Variants in SEMA5A observed in about 807,000 individuals in gnomAD.
SEMA5A encodes semaphorin 5A.
In SEMA5A, 55 loss-of-function variants were observed where a neutral mutation model predicts 135.5. The ratio of observed to expected loss-of-function variants is 0.41; its 90% CI spans 0.33 to 0.51. The LOEUF (loss-of-function observed/expected upper bound fraction) is 0.51. Ranked by LOEUF, SEMA5A falls within the 20% of genes least tolerant of loss-of-function variation. The pLI, the probability that SEMA5A is intolerant of heterozygous loss-of-function variation, is 0.37. For missense variants in SEMA5A, 1,290 were observed against 1,419.9 expected (o/e 0.91, Z 1.47); for synonymous variants, 580 against 546.5 (o/e 1.06, Z -0.85).
chr5:9,384,614 AGAT>A (rs1755773508), intron 2 of SEMA5A, among the ~76,000 whole-genome samples: 2 of 116,024 alleles, frequency 1.7e-5, no homozygotes, highest in Admixed American at 8.8e-5. Flanking sequence ...ATAGATAGAT[AGAT>A]ACATAGATAG....
At chr5:9,506,797 T>C (rs765766858) in intron 1 of SEMA5A, among the ~76,000 whole-genome samples, 18 of 152,182 alleles carry the variant, frequency 1.2e-4, no homozygotes, top group Non-Finnish European at 2.2e-4. Flanking sequence ...CCAATTCCCA[T>C]GGGTTCACTT....
chr5:9,114,769 A>G (rs1740424955), intron 15 of SEMA5A, among the ~76,000 whole-genome samples: 1 of 152,236 alleles, frequency 6.6e-6, no homozygotes, highest in Non-Finnish European at 1.5e-5. Context: ...GAAATCAGTC[A>G]CTTTTAATGG....
chr5:9,329,117 C>T (rs1239107405), intron 4 of SEMA5A, among the ~76,000 whole-genome samples: 1 of 152,144 alleles, frequency 6.6e-6, no homozygotes, highest in Non-Finnish European at 1.5e-5. Flanking sequence ...GTTGGAGGAA[C>T]ACCTTCTCTA....
At chr5:9,146,203 C>A (rs907485649) in intron 12 of SEMA5A, among the ~76,000 whole-genome samples, 3 of 152,136 alleles carry the variant, frequency 2.0e-5, no homozygotes, top group African/African-American at 7.2e-5. Flanking sequence ...ACCTTGGAAC[C>A]CCTCTTATCA....
intron 8 of SEMA5A, among the ~76,000 whole-genome samples, chr5:9,222,218 C>T (rs1253786874): frequency 1.3e-5 from 2 of 152,160 alleles, no homozygotes; most frequent in Non-Finnish European, 2.9e-5. Context: ...TGTTCAGGCT[C>T]AGCAGGGGGT....
intron 11 of SEMA5A, among the ~76,000 whole-genome samples, chr5:9,160,655 T>C (rs201372361): frequency 7.3e-6 from 1 of 136,630 alleles, no homozygotes; most frequent in African/African-American, 2.5e-5. Context: ...ATATATATAT[T>C]TTTTGCTGGT....
At chr5:9,175,868 T>G (rs1365280537) in intron 11 of SEMA5A, among the ~76,000 whole-genome samples, 3 of 149,332 alleles carry the variant, frequency 2.0e-5, no homozygotes, top group Non-Finnish European at 4.5e-5. Flanking sequence ...AGAGGGTTTT[T>G]GGGGGATGAG....
chr5:9,184,122 T>A (rs903103790), intron 11 of SEMA5A, among the ~76,000 whole-genome samples: 3 of 120,176 alleles, frequency 2.5e-5, no homozygotes, highest in Non-Finnish European at 4.7e-5. Flanking sequence ...TGAGTGTCTG[T>A]TTTTTTTTAT....
At chr5:9,314,534 T>C (rs1184479042) in intron 5 of SEMA5A, among the ~76,000 whole-genome samples, 4 of 152,172 alleles carry the variant, frequency 2.6e-5, no homozygotes, top group Non-Finnish European at 5.9e-5. Context: ...TCATCTTAAA[T>C]TACCTATTTG....
In SEMA5A at chr5:9,178,266, T is replaced by G. The variant is rs551732138; in HGVS notation, c.1273+12001A>C. On this transcript the variant is annotated intron_variant, in intron 11 of 22. Coordinates refer to ENST00000382496, the MANE Select transcript of SEMA5A (RefSeq NM_003966.3). The stretch of plus-strand genomic sequence containing the variant: ...ATGTTCAATTTGCACACTTGGGTCT[T>G]ACAAAAGTGAGCTCCTGAGTGAGGA... 2.0e-5 allele frequency among the ~76,000 whole-genome samples: 3 copies of G among 152,086 alleles called. No individual in the cohort carries two copies. In the South Asian group the frequency reaches 6.2e-4, roughly 32 times the overall value.
intron 21 of SEMA5A, among the ~76,000 whole-genome samples, chr5:9,049,643 T>A (rs1378766208): frequency 6.6e-6 from 1 of 152,198 alleles, no homozygotes; most frequent in African/African-American, 2.4e-5. Context: ...TCTATCATCA[T>A]CAGTCACACA....
At chr5:9,356,153 G>A (rs1754435408) in intron 3 of SEMA5A, among the ~76,000 whole-genome samples, 1 of 152,154 alleles carries the variant, frequency 6.6e-6, no homozygotes, top group African/African-American at 2.4e-5. Flanking sequence ...AGCCCCCACT[G>A]AAGACGCATT....
At chr5:9,486,374 T>C (rs1268349977) in intron 1 of SEMA5A, among the ~76,000 whole-genome samples, 1 of 152,226 alleles carries the variant, frequency 6.6e-6, no homozygotes, top group Non-Finnish European at 1.5e-5. Flanking sequence ...CAAACTGCCA[T>C]GGCACATGTA....
At position 9,148,822 on chromosome 5, in the gene SEMA5A, C is replaced by T. The variant is rs141820831; in HGVS notation, c.1481+5666G>A. 1.2e-4 allele frequency among the ~76,000 whole-genome samples: 19 copies of T among 152,162 alleles called. No individual in the cohort carries two copies. In the East Asian group the frequency reaches 2.3e-3, roughly 19 times the overall value. Reference sequence around the variant, plus strand: ...GCAACCTCTGCCTCCCGGGTTCAAGCGATTCTCTTGCCTCAGCCTTCTAAG... The same window carrying T: ...GCAACCTCTGCCTCCCGGGTTCAAGTGATTCTCTTGCCTCAGCCTTCTAAG... On this transcript the variant is annotated intron_variant, in intron 12 of 22. Coordinates refer to ENST00000382496, the MANE Select transcript of SEMA5A (RefSeq NM_003966.3).
chr5:9,063,715 T>C (rs1387203439), intron 17 of SEMA5A, among the ~76,000 whole-genome samples: 2 of 152,086 alleles, frequency 1.3e-5, no homozygotes, highest in Non-Finnish European at 1.5e-5. Flanking sequence ...TCTATGAAGT[T>C]TAGAGCACAC....
Position 9,207,134 on chromosome 5 carries a change from A to AT in SEMA5A, c.647-4895_647-4894insA, listed in dbSNP as rs1491507145. 2.5e-4 allele frequency among the ~76,000 whole-genome samples: 35 copies of AT among 139,698 alleles called. No individual in the cohort carries two copies. The East Asian group carries it at 3.7e-3, about 15-fold the overall frequency. The allele number at this position is 139,698 out of a possible 152,430, so 91.6% of individuals were successfully genotyped here. Reference sequence around the variant, plus strand: ...TATATATATATATATATATATATATAAAGCTTAAAGGTCATTAGAATTTTA... The same window carrying AT: ...TATATATATATATATATATATATATATAAGCTTAAAGGTCATTAGAATTTTA... On this transcript the variant is annotated intron_variant, in intron 8 of 22. Transcript: ENST00000382496.
intron 12 of SEMA5A, among the ~76,000 whole-genome samples, chr5:9,140,355 A>C (rs1741997355): frequency 6.6e-6 from 1 of 152,226 alleles, no homozygotes. Flanking sequence ...ATAAACTATC[A>C]CAACCAATGA....
intron 5 of SEMA5A, among the ~76,000 whole-genome samples, chr5:9,287,854 C>T (rs970055322): frequency 6.6e-6 from 1 of 151,998 alleles, no homozygotes; most frequent in Non-Finnish European, 1.5e-5. Flanking sequence ...GGCAAAGTAA[C>T]TTAAAAATTA....
At chr5:9,456,884 A>T (rs909052273) in intron 1 of SEMA5A, among the ~76,000 whole-genome samples, 1 of 152,188 alleles carries the variant, frequency 6.6e-6, no homozygotes, top group Non-Finnish European at 1.5e-5. Flanking sequence ...AGGATCAAAC[A>T]GAGAGATCAG....
Sources: allele counts gnomAD v4.1 joint callset (sites outside exome capture counted in the v4.1 genomes callset), GRCh38; gene constraint gnomAD v4.1.1; transcripts MANE v1.5; gene names NCBI Gene and HGNC (gene_info 2026-07-23, HGNC 2026-07-21).